FKBP1B: variants seen among roughly 807,000 people sequenced by gnomAD.
FKBP1B encodes peptidyl-prolyl cis-trans isomerase FKBP1B.
A neutral mutation model predicts 13.5 loss-of-function variants in FKBP1B; 4 were observed. That is an observed-to-expected ratio of 0.30 (90% CI 0.15 to 0.68). The LOEUF is 0.68. FKBP1B is among the 30% of genes least tolerant of loss of function. FKBP1B has a pLI of 0.76. For missense variants in FKBP1B, 93 were observed against 136.2 expected, an observed-to-expected ratio of 0.68 and a Z score of 1.58; for synonymous variants, 54 against 53.6, an observed-to-expected ratio of 1.01 and a Z score of -0.03.
At position 24,060,877 on chromosome 2, in the gene FKBP1B, G is replaced by A; in HGVS notation, c.149G>A (p.Arg50Lys). ...SRDRNKPFKF[R>K]IGKQEVIKGF... ...GACAGAAACAAACCTTTCAAGTTCA[G>A]AATTGGCAAACAGGAAGTCATCAAA... is the stretch of plus-strand genomic sequence containing the variant. Residue 50 changes from arginine to lysine, a missense_variant, in exon 3 of 4, where the codon AGA (arginine) becomes AAA (lysine). Physicochemically the swap from Arg to Lys is conservative, Grantham distance 26. Coordinates refer to ENST00000380986, the MANE Select transcript of FKBP1B (RefSeq NM_004116.5). The A allele has an allele frequency of 6.2e-7, 1 of 1,614,210 alleles. No homozygotes were observed. Among genetic ancestry groups the A allele is most frequent in the South Asian group, 1.1e-5 (1 of 91,082 alleles).
At position 24,063,081 on chromosome 2, in the gene FKBP1B, G is replaced by A. The variant is rs1242835220; in HGVS notation, c.216G>A (p.Arg72=). 1.2e-6 allele frequency: 2 copies of A among 1,614,170 alleles called. No individual in the cohort carries two copies. The highest frequency in any genetic ancestry group is 2.2e-5 in the South Asian group (2 of 91,072). ...EGAAQMSLGQ[R]AKLTCTPDVA... ...CCTGCTAGATGAGCTTGGGGCAGAG[G>A]GCGAAGCTGACCTGCACCCCTGATG... The change falls in exon 4 of 4, where the codon AGG becomes AGA. Residue 72 remains arginine (R), a synonymous_variant. Transcript: ENST00000380986.
intron 3 of FKBP1B, among the ~76,000 whole-genome samples, chr2:24,061,736 G>C (rs10181898): frequency 0.12 from 17,708 of 152,148 alleles, 1,238 homozygotes; most frequent in South Asian, 0.18. Context: ...AAATTCAAAA[G>C]TAGATTTAAA....
chr2:24,056,397 T>A (rs1389826438), intron 2 of FKBP1B, among the ~76,000 whole-genome samples: 3 of 147,466 alleles, frequency 2.0e-5, no homozygotes, highest in African/African-American at 7.5e-5. Context: ...AAGGCTGGAG[T>A]GCAGTGGTGC....
chr2:24,039,534 G>T, the FKBP1B span: 1 of 1,588,506 alleles, frequency 6.3e-7, no homozygotes, highest in African/African-American at 1.3e-5. Flanking sequence ...AAGAAGGAAA[G>T]TTACACCATG....
chr2:24,037,448 C>A, the FKBP1B span, among the ~76,000 whole-genome samples: 1 of 152,166 alleles, frequency 6.6e-6, no homozygotes, highest in African/African-American at 2.4e-5. Context: ...TATTTTTCCA[C>A]GTCATGCACC....
intron 2 of FKBP1B, among the ~76,000 whole-genome samples, chr2:24,056,458 C>T (rs186831300): frequency 6.6e-6 from 1 of 152,010 alleles, no homozygotes; most frequent in Non-Finnish European, 1.5e-5. Flanking sequence ...ATTCTTGTGC[C>T]TCAACCTCCC....
At chr2:24,038,632 ATG>A in the FKBP1B span, 5 of 1,614,104 alleles carry the variant, frequency 3.1e-6, no homozygotes, top group Admixed American at 3.3e-5. Context: ...ATTGAAATGT[ATG>A]TGAGTTAGAT....
chr2:24,048,470 C>CAA (rs11367799), upstream of FKBP1B, among the ~76,000 whole-genome samples: 194 of 87,012 alleles, frequency 2.2e-3, 2 homozygotes, highest in African/African-American at 6.9e-3. Flanking sequence ...GATTCTGTCT[C>CAA]AAAAAAAAAA....
chr2:24,049,514 C>A (rs1263020263), upstream of FKBP1B: 4 of 271,000 alleles, frequency 1.5e-5, no homozygotes, highest in Non-Finnish European at 2.8e-5. Context: ...TGGACGGATG[C>A]GCGAATGAAT....
At chr2:24,058,058 A>T (rs1310844695) in intron 2 of FKBP1B, among the ~76,000 whole-genome samples, 1 of 151,928 alleles carries the variant, frequency 6.6e-6, no homozygotes, top group Non-Finnish European at 1.5e-5. Context: ...TTAGCCAGGC[A>T]TGGTGGTGCA....
the FKBP1B span, among the ~76,000 whole-genome samples, chr2:24,042,419 C>T: frequency 6.6e-6 from 1 of 151,848 alleles, no homozygotes; most frequent in East Asian, 1.9e-4. Flanking sequence ...GCCTGTAGTC[C>T]CAGCTACTCG....
intron 3 of FKBP1B, among the ~76,000 whole-genome samples, chr2:24,062,173 T>C (rs1042808996): frequency 1.3e-5 from 2 of 151,858 alleles, no homozygotes; most frequent in African/African-American, 4.8e-5. Context: ...TTTTGTTTTT[T>C]ATTTATTTAT....
chr2:24,056,861 T>G (rs1486240607), intron 2 of FKBP1B, among the ~76,000 whole-genome samples: 4 of 152,146 alleles, frequency 2.6e-5, no homozygotes, highest in Admixed American at 1.3e-4. Context: ...CGGCTAATTT[T>G]GAGGTTTTTA....
chr2:24,049,987 T>G, intron 1 of FKBP1B, 101 bp downstream of exon 1: 1 of 928,190 alleles, frequency 1.1e-6, no homozygotes. Context: ...TGCTGAAGGG[T>G]CGGGGGGCTG....
the FKBP1B span, among the ~76,000 whole-genome samples, chr2:24,044,559 A>C: frequency 6.6e-6 from 1 of 152,240 alleles, no homozygotes; most frequent in African/African-American, 2.4e-5. Flanking sequence ...GAGCCACTGC[A>C]TGGGCCAGTT....
chr2:24,059,307 G>C (rs1255094458), intron 2 of FKBP1B, among the ~76,000 whole-genome samples: 1 of 151,274 alleles, frequency 6.6e-6, no homozygotes, highest in Admixed American at 6.6e-5. Context: ...GATGACATGT[G>C]GACATCAGGA....
At chr2:24,059,372 T>TTGGG (rs1553320912) in intron 2 of FKBP1B, among the ~76,000 whole-genome samples, 2 of 144,476 alleles carry the variant, frequency 1.4e-5, no homozygotes, top group African/African-American at 5.4e-5. Context: ...GACCAGCACC[T>TTGGG]GGGGGGGGGT....
At chr2:24,056,350 G>T (rs1309949615) in intron 2 of FKBP1B, among the ~76,000 whole-genome samples, 9 of 135,382 alleles carry the variant, frequency 6.6e-5, no homozygotes, top group East Asian at 6.6e-4. Flanking sequence ...GGGTTTTTTT[G>T]TTTTTTTTTT....
intron 3 of FKBP1B, among the ~76,000 whole-genome samples, chr2:24,062,106 C>T (rs1193577723): frequency 1.3e-5 from 2 of 152,118 alleles, no homozygotes; most frequent in East Asian, 1.9e-4. Flanking sequence ...CTCCTGACCT[C>T]GTGATCTGCC....
Sources: gnomAD v4.1 joint callset for allele counts (sites outside exome capture counted in the v4.1 genomes callset) on GRCh38, gnomAD v4.1.1 for gene constraint, MANE v1.5 for transcripts, NCBI Gene and HGNC (gene_info 2026-07-23, HGNC 2026-07-21) for gene names.